Variants in PABPC4L observed in about 807,000 individuals in gnomAD.
PABPC4L encodes the protein polyadenylate-binding protein 4-like.
For missense variants in PABPC4L, 452 were observed against 451.4 expected (o/e 1.00, Z -0.01); for synonymous variants, 169 against 164.1 (o/e 1.03, Z -0.23).
chr4:134,115,018 C>T, the PABPC4L span, among the ~76,000 whole-genome samples: 1 of 151,692 alleles, frequency 6.6e-6, no homozygotes, highest in Non-Finnish European at 1.5e-5. Context: ...TGGGAATGCA[C>T]CACTGTGTAC....
At chr4:134,022,736 T>C in the PABPC4L span, among the ~76,000 whole-genome samples, 3 of 152,062 alleles carry the variant, frequency 2.0e-5, no homozygotes, top group African/African-American at 7.2e-5. Flanking sequence ...CACATCAGCT[T>C]GAGGTGTAGC....
At chr4:134,133,136 A>G in the PABPC4L span, among the ~76,000 whole-genome samples, 1 of 125,042 alleles carries the variant, frequency 8.0e-6, no homozygotes, top group Non-Finnish European at 1.6e-5. Context: ...CATATTACAT[A>G]TAATTATATA....
chr4:133,952,821 T>TGCGTC, the PABPC4L span, among the ~76,000 whole-genome samples: 1 of 152,156 alleles, frequency 6.6e-6, no homozygotes, highest in African/African-American at 2.4e-5. Context: ...AGCTAGTTTC[T>TGCGTC]GCGTCGGGGA....
the PABPC4L span, among the ~76,000 whole-genome samples, chr4:134,017,316 C>A: frequency 2.9e-4 from 44 of 152,240 alleles, no homozygotes; most frequent in African/African-American, 1.0e-3. Context: ...AGGGTACAGT[C>A]CATTTGAGCT....
the PABPC4L span, among the ~76,000 whole-genome samples, chr4:134,053,777 C>T: frequency 6.6e-6 from 1 of 151,972 alleles, no homozygotes; most frequent in African/African-American, 2.4e-5. Flanking sequence ...CAGTATTAAC[C>T]ACTGGAATAA....
the PABPC4L span, among the ~76,000 whole-genome samples, chr4:133,949,856 G>A: frequency 6.6e-6 from 1 of 152,066 alleles, no homozygotes; most frequent in East Asian, 1.9e-4. Context: ...TTAATAATTG[G>A]TCTTTAGTTT....
chr4:134,022,666 A>G, the PABPC4L span, among the ~76,000 whole-genome samples: 1 of 151,692 alleles, frequency 6.6e-6, no homozygotes, highest in Non-Finnish European at 1.5e-5. Flanking sequence ...AGGGTTTATT[A>G]CTTTTGGGAT....
chr4:133,989,774 G>T, the PABPC4L span, among the ~76,000 whole-genome samples: 1 of 152,130 alleles, frequency 6.6e-6, no homozygotes, highest in South Asian at 2.1e-4. Flanking sequence ...GTATTAGTCT[G>T]TTCTCAGGCT....
At chr4:133,972,250 T>C in the PABPC4L span, among the ~76,000 whole-genome samples, 1 of 152,200 alleles carries the variant, frequency 6.6e-6, no homozygotes, top group Non-Finnish European at 1.5e-5. Flanking sequence ...TTCATTTTGG[T>C]TAGGGGTGAT....
the PABPC4L span, among the ~76,000 whole-genome samples, chr4:134,161,707 C>T: frequency 6.6e-6 from 1 of 151,862 alleles, no homozygotes; most frequent in Non-Finnish European, 1.5e-5. Flanking sequence ...CATTAATGAG[C>T]AAAAATAAAT....
chr4:134,013,190 A>G, the PABPC4L span, among the ~76,000 whole-genome samples: 1 of 149,820 alleles, frequency 6.7e-6, no homozygotes, highest in Non-Finnish European at 1.5e-5. Flanking sequence ...CTTCTCCTTC[A>G]CCCTTAGCGG....
At chr4:134,180,183 T>C in the PABPC4L span, among the ~76,000 whole-genome samples, 1 of 152,090 alleles carries the variant, frequency 6.6e-6, no homozygotes, top group South Asian at 2.1e-4. Flanking sequence ...AACAAAATCA[T>C]ACCAACCAGG....
the PABPC4L span, among the ~76,000 whole-genome samples, chr4:134,105,143 G>C: frequency 1.3e-5 from 2 of 151,662 alleles, no homozygotes; most frequent in Non-Finnish European, 2.9e-5. Context: ...TTGCCTGCAG[G>C]AGTGAAAAAT....
At chr4:134,023,239 C>G in the PABPC4L span, among the ~76,000 whole-genome samples, 1 of 152,144 alleles carries the variant, frequency 6.6e-6, no homozygotes, top group Non-Finnish European at 1.5e-5. Context: ...AATGGCTGCT[C>G]TATGCTAAGA....
At chr4:134,123,930 G>A in the PABPC4L span, among the ~76,000 whole-genome samples, 1 of 151,938 alleles carries the variant, frequency 6.6e-6, no homozygotes, top group African/African-American at 2.4e-5. Context: ...CATTGAGGGA[G>A]AACACACACT....
chr4:134,047,959 C>T, the PABPC4L span, among the ~76,000 whole-genome samples: 1 of 152,126 alleles, frequency 6.6e-6, no homozygotes, highest in South Asian at 2.1e-4. Flanking sequence ...TTGAAATTTT[C>T]TGACGGCAAA....
At chr4:134,110,463 G>C in the PABPC4L span, among the ~76,000 whole-genome samples, 2 of 151,634 alleles carry the variant, frequency 1.3e-5, no homozygotes, top group Non-Finnish European at 2.9e-5. Flanking sequence ...AATATATGCA[G>C]GGAAAAATAA....
the PABPC4L span, among the ~76,000 whole-genome samples, chr4:134,041,714 T>A: frequency 0.52 from 77,694 of 150,710 alleles, 21,300 homozygotes; most frequent in East Asian, 0.93. Flanking sequence ...ATAGTATAAT[T>A]AAAAAAAAAG....
chr4:134,184,197 C>A, the PABPC4L span, among the ~76,000 whole-genome samples: 1 of 151,792 alleles, frequency 6.6e-6, no homozygotes, highest in Non-Finnish European at 1.5e-5. Flanking sequence ...ATAGGGGGAT[C>A]TGATTTATGG....
Sources: allele counts gnomAD v4.1 joint callset (sites outside exome capture counted in the v4.1 genomes callset), GRCh38; gene constraint gnomAD v4.1.1; transcripts MANE v1.5; gene names NCBI Gene and HGNC (gene_info 2026-07-23, HGNC 2026-07-21).